The following CSNK1G1 variants were observed in gnomAD, a reference collection of about 807,000 sequenced individuals.
CSNK1G1 encodes casein kinase 1 gamma 1, also known as casein kinase I isoform gamma-1.
CSNK1G1 carries 22 observed loss-of-function variants against 59.6 expected under a neutral mutation model. The ratio of observed to expected loss-of-function variants is 0.37; its 90% CI spans 0.26 to 0.53. The LOEUF (loss-of-function observed/expected upper bound fraction) is 0.53, where lower values mean the gene tolerates loss of function less well. CSNK1G1 is among the 20% of genes least tolerant of loss of function. The pLI, the probability that CSNK1G1 is intolerant of heterozygous loss-of-function variation, is 0.89. For synonymous variants in CSNK1G1, 179 were observed against 177.1 expected (o/e 1.01, Z -0.08); for missense variants, 384 against 519.5 (o/e 0.74, Z 2.54).
Position 64,204,926 on chromosome 15 carries a change from A to G in CSNK1G1, c.789T>C (p.Tyr263=). 1.9e-6 allele frequency: 3 copies of G among 1,608,522 alleles called. No individual in the cohort carries two copies. Among genetic ancestry groups the G allele is most frequent in the Non-Finnish European group, 2.6e-6 (3 of 1,175,044 alleles). The change falls in exon 8 of 12, where the codon TAT becomes TAC. Residue 263 remains tyrosine, a synonymous_variant. Transcript: ENST00000303052. ...GLKADTLKER[Y]QKIGDTKRNT... ...TCCTTTTGGTGTCACCAATTTTTTGATATCTCTCTTTTAATGTGTCAGCCT... is the reference window on the plus strand; with the variant it reads ...TCCTTTTGGTGTCACCAATTTTTTGGTATCTCTCTTTTAATGTGTCAGCCT...
intron 4 of CSNK1G1, among the ~76,000 whole-genome samples, chr15:64,218,046 G>A (rs939116604): frequency 1.3e-5 from 2 of 151,722 alleles, no homozygotes; most frequent in South Asian, 2.1e-4. Flanking sequence ...CCGGACTAAC[G>A]CGATCTTCCC....
intron 1 of CSNK1G1, among the ~76,000 whole-genome samples, chr15:64,314,696 T>C (rs916711126): frequency 1.3e-5 from 2 of 152,216 alleles, no homozygotes; most frequent in African/African-American, 4.8e-5. Context: ...TCAGTTGTTT[T>C]AGATTCCACA....
chr15:64,257,813 T>C (rs1892467235), intron 3 of CSNK1G1, among the ~76,000 whole-genome samples: 1 of 152,166 alleles, frequency 6.6e-6, no homozygotes, highest in Non-Finnish European at 1.5e-5. Context: ...CATGAGCCAC[T>C]GTGTCTGTTC....
chr15:64,263,465 G>A (rs949716112), intron 2 of CSNK1G1, among the ~76,000 whole-genome samples: 1 of 151,828 alleles, frequency 6.6e-6, no homozygotes, highest in African/African-American at 2.4e-5. Context: ...GGGATTACAG[G>A]TTTGAGCCAC....
At chr15:64,263,639 G>A (rs1195149292) in intron 2 of CSNK1G1, among the ~76,000 whole-genome samples, 1 of 151,980 alleles carries the variant, frequency 6.6e-6, no homozygotes, top group African/African-American at 2.4e-5. Context: ...AAGCCTATCT[G>A]GTATATTTTA....
At chr15:64,273,822 G>T (rs977876838) in intron 2 of CSNK1G1, among the ~76,000 whole-genome samples, 1 of 152,150 alleles carries the variant, frequency 6.6e-6, no homozygotes, top group African/African-American at 2.4e-5. Flanking sequence ...GCCACACGTG[G>T]CCCACAGGCC....
intron 11 of CSNK1G1, among the ~76,000 whole-genome samples, chr15:64,174,566 C>T (rs986882691): frequency 2.0e-5 from 3 of 152,186 alleles, no homozygotes; most frequent in African/African-American, 7.2e-5. Flanking sequence ...GTGGTGGACA[C>T]CTCATGGCTT....
chr15:64,243,133 C>T (rs998560813), intron 4 of CSNK1G1, among the ~76,000 whole-genome samples: 2 of 151,940 alleles, frequency 1.3e-5, no homozygotes, highest in Admixed American at 6.6e-5. Flanking sequence ...GTCAAGAGAT[C>T]GAGACTATCC....
At chr15:64,202,794 C>G (rs537611553) in intron 10 of CSNK1G1, among the ~76,000 whole-genome samples, 2 of 152,252 alleles carry the variant, frequency 1.3e-5, no homozygotes, top group African/African-American at 4.8e-5. Context: ...CTCAAGTGAT[C>G]TACCTGCCTT....
chr15:64,204,702 G>T, intron 8 of CSNK1G1, 113 bp from the exon 9 acceptor site: 1 of 1,265,184 alleles, frequency 7.9e-7, no homozygotes, highest in Non-Finnish European at 1.1e-6. Context: ...TGACACTGAT[G>T]TTTTCTTTAC....
Position 64,172,001 on chromosome 15 carries a change from C to T in CSNK1G1, c.1215-16G>A, listed in dbSNP as rs1371621192. The T allele has an allele frequency of 6.2e-7, 1 of 1,612,754 alleles. No individual in the cohort carries two copies. The highest frequency in any genetic ancestry group is 8.5e-7 in the Non-Finnish European group (1 of 1,179,244). ...ACAGCAGCACCTGGAGCACAAGGAA[C>T]ATTGCAAGTCAGTGCGGGAGGCCTG... On this transcript the variant is annotated splice_polypyrimidine_tract_variant and intron_variant, in intron 11 of 11. Coordinates refer to ENST00000303052, the MANE Select transcript of CSNK1G1 (RefSeq NM_022048.5).
chr15:64,353,338 C>T (rs868063028), intron 1 of CSNK1G1, among the ~76,000 whole-genome samples: 1 of 151,914 alleles, frequency 6.6e-6, no homozygotes, highest in South Asian at 2.1e-4. Flanking sequence ...ATTTTAAATC[C>T]ACAAAACAAA....
At chr15:64,227,420 C>A (rs2082477449) in intron 4 of CSNK1G1, among the ~76,000 whole-genome samples, 1 of 152,150 alleles carries the variant, frequency 6.6e-6, no homozygotes, top group Non-Finnish European at 1.5e-5. Flanking sequence ...TGTAGGTAAA[C>A]AACTATGCAG....
chr15:64,199,067 C>T (rs1431821044), intron 10 of CSNK1G1, among the ~76,000 whole-genome samples: 1 of 149,318 alleles, frequency 6.7e-6, no homozygotes. Context: ...CACAGTGAAA[C>T]TGTCTCTACA....
In CSNK1G1 at chr15:64,213,940, CTTTTGTGTTCCCTATAAGGTATGTG is replaced by C; in HGVS notation, c.604_628del (p.His202ValfsTer2). ...CATATATCTTGCAGTTCCAGTTAAA[CTTTTGTGTTCCCTATAAGGTATGTG>C]TTTTTTGGTTTCGGGGTCAATGTAT... On this transcript the variant is annotated frameshift_variant, in exon 6 of 12. Coordinates refer to ENST00000303052, the MANE Select transcript of CSNK1G1 (RefSeq NM_022048.5). LOFTEE classifies it high-confidence loss of function. 1 of 1,614,102 alleles carries C rather than the reference CTTTTGTGTTCCCTATAAGGTATGTG, an allele frequency of 6.2e-7. No homozygotes were observed. The highest frequency in any genetic ancestry group is 8.5e-7 in the Non-Finnish European group (1 of 1,180,010).
intron 10 of CSNK1G1, among the ~76,000 whole-genome samples, chr15:64,195,275 C>T (rs1275902164): frequency 3.3e-5 from 5 of 152,196 alleles, no homozygotes; most frequent in African/African-American, 1.2e-4. Flanking sequence ...CAATATGACT[C>T]TCTCCACTGT....
intron 4 of CSNK1G1, among the ~76,000 whole-genome samples, chr15:64,242,131 T>C (rs1052050471): frequency 2.0e-5 from 3 of 152,200 alleles, no homozygotes; most frequent in African/African-American, 4.8e-5. Flanking sequence ...CCTGGACATA[T>C]ACCACCAACC....
chr15:64,310,067 C>T (rs1019231078), intron 1 of CSNK1G1, among the ~76,000 whole-genome samples: 1 of 151,284 alleles, frequency 6.6e-6, no homozygotes, highest in Non-Finnish European at 1.5e-5. Flanking sequence ...GAGCTGTGAT[C>T]ACACCACTAC....
chr15:64,311,869 G>A (rs1896016548), intron 1 of CSNK1G1, among the ~76,000 whole-genome samples: 1 of 152,022 alleles, frequency 6.6e-6, no homozygotes, highest in Non-Finnish European at 1.5e-5. Context: ...GACAGAGTGA[G>A]ACCATGCCTC....
Sources: allele counts gnomAD v4.1 joint callset (sites outside exome capture counted in the v4.1 genomes callset), GRCh38; gene constraint gnomAD v4.1.1; transcripts MANE v1.5; gene names NCBI Gene and HGNC (gene_info 2026-07-23, HGNC 2026-07-21).